The following RXRA variants were observed in gnomAD, a reference collection of about 807,000 sequenced individuals.
The protein encoded by RXRA is retinoid X receptor alpha, also known as retinoic acid receptor RXR-alpha.
Under a neutral mutation model 44.5 loss-of-function variants are expected in RXRA, and 5 were observed. The ratio of observed to expected loss-of-function variants is 0.11; its 90% CI spans 0.06 to 0.24. The LOEUF is 0.24. RXRA is among the 10% of genes least tolerant of loss of function. The probability of loss-of-function intolerance (pLI) is 1.00; values close to 1 mark genes in which losing one functional copy is unlikely to be tolerated. For synonymous variants in RXRA, 291 were observed against 271.4 expected (o/e 1.07, Z -0.71); for missense variants, 412 against 646.5 (o/e 0.64, Z 3.93).
chr9:134,436,673 G>A lies in RXRA; in HGVS notation c.*59G>A. On this transcript the variant is annotated 3_prime_UTR_variant, in exon 10 of 10. Transcript: ENST00000481739. ...TGGCCACCCTGCCTGGACGCCAGCT[G>A]TTCTTCTCAGCCTGAGCCCTGTCCC... The A allele has an allele frequency of 1.3e-6, 2 of 1,599,638 alleles. No homozygotes were observed. The highest frequency in any genetic ancestry group is 1.7e-6 in the Non-Finnish European group (2 of 1,170,986).
chr9:134,421,821 T>G lies in RXRA; in HGVS notation c.910+16T>G. The G allele has an allele frequency of 1.9e-6, 3 of 1,612,232 alleles. No individual in the cohort carries two copies. Among genetic ancestry groups the G allele is most frequent in the Non-Finnish European group, 2.5e-6 (3 of 1,179,434 alleles). ...CTGCGGGCAGGTGAGTGGCGAGGCCTAGGTGGGGATGGGGATGCCATGCAG... is the reference window on the plus strand; with the variant it reads ...CTGCGGGCAGGTGAGTGGCGAGGCCGAGGTGGGGATGGGGATGCCATGCAG... On this transcript the variant is annotated intron_variant, in intron 6 of 9. Coordinates refer to ENST00000481739, the MANE Select transcript of RXRA (RefSeq NM_002957.6).
chr9:134,385,200 G>A (rs1241040632), intron 1 of RXRA, among the ~76,000 whole-genome samples: 3 of 152,192 alleles, frequency 2.0e-5, no homozygotes, highest in Admixed American at 2.0e-4. Flanking sequence ...CCACTAGCAT[G>A]CCAGGGGCTG....
At chr9:134,425,354 G>C (rs934348554) in intron 6 of RXRA, 6 of 985,202 alleles carry the variant, frequency 6.1e-6, no homozygotes, top group African/African-American at 1.7e-5. Flanking sequence ...GTCACACCCT[G>C]ACCCTTGTGT....
At chr9:134,436,390 C>A in intron 9 of RXRA, 77 bp from the exon 10 acceptor site, 1 of 1,466,074 alleles carries the variant, frequency 6.8e-7, no homozygotes, top group Non-Finnish European at 9.4e-7. Context: ...ACAGCCCCAT[C>A]CCCAGGGAGG....
intron 4 of RXRA, among the ~76,000 whole-genome samples, chr9:134,416,112 G>A (rs1831230414): frequency 6.6e-6 from 1 of 152,124 alleles, no homozygotes; most frequent in Non-Finnish European, 1.5e-5. Flanking sequence ...TAAGCCAAGT[G>A]GACTCTTCTA....
rs997344789 is a variant in RXRA at position 134,426,608 on chromosome 9, A to G, written c.911-2500A>G. ...CGGCTCAGCAGCGCCTTCTGACCCC[A>G]GCCGTGCACTAGGCCCCTCTGCTGG... On this transcript the variant is annotated intron_variant, in intron 6 of 9. Coordinates refer to ENST00000481739, the MANE Select transcript of RXRA (RefSeq NM_002957.6). The surrounding 1 kb of genome is among the most constrained non-coding windows in gnomAD (Gnocchi z 4.6). The G allele has an allele frequency of 5.8e-5, 57 of 985,282 alleles. No individual in the cohort carries two copies. In the African/African-American group the frequency reaches 8.7e-4, roughly 15 times the overall value. The allele number at this position is 985,282 out of a possible 1,614,324, so 61.0% of individuals were successfully genotyped here. A position where few individuals can be genotyped will look rare whatever the true frequency, so the allele number is the denominator to read the frequency against.
At position 134,426,473 on chromosome 9, in the gene RXRA, A is replaced by T; in HGVS notation, c.911-2635A>T. 1 of 985,272 alleles carries T rather than the reference A, an allele frequency of 1.0e-6. No homozygotes were observed. Among genetic ancestry groups the T allele is most frequent in the Admixed American group, 6.1e-5 (1 of 16,270 alleles). 61.0% of individuals were successfully genotyped at this position (985,272 alleles called of 1,614,324 possible). On this transcript the variant is annotated intron_variant, in intron 6 of 9. Coordinates refer to ENST00000481739, the MANE Select transcript of RXRA (RefSeq NM_002957.6). The surrounding 1 kb of genome is among the most constrained non-coding windows in gnomAD (Gnocchi z 4.6). ...ACATCGGGGTGGAGGGACAGGGGAC[A>T]GGGGAGCTGAGATGCAGCCGGCGTG...
At chr9:134,346,553 C>T (rs1830154954) in intron 1 of RXRA, among the ~76,000 whole-genome samples, 1 of 152,190 alleles carries the variant, frequency 6.6e-6, no homozygotes, top group African/African-American at 2.4e-5. Flanking sequence ...TCTTCTTGAC[C>T]AGGACCTGGG....
At chr9:134,436,085 A>G (rs954920412) in intron 9 of RXRA, among the ~76,000 whole-genome samples, 2 of 152,190 alleles carry the variant, frequency 1.3e-5, no homozygotes, top group Admixed American at 1.3e-4. Flanking sequence ...GCCTCAAGCC[A>G]TCCTCCCACC....
rs1460503728 is a variant in RXRA, at chr9:134,366,848, C to CG, written c.29-34780dup. 6.6e-6 allele frequency among the ~76,000 whole-genome samples: 1 copy of CG among 152,144 alleles called. No homozygotes were observed. Among genetic ancestry groups the CG allele is most frequent in the East Asian group, 1.9e-4 (1 of 5,186 alleles). On this transcript the variant is annotated intron_variant, in intron 1 of 9. Transcript: ENST00000481739. This position sits in a 1 kb window ranked among gnomAD's most constrained non-coding sequence, Gnocchi z 5.9. Reference sequence around the variant, plus strand: ...TTAGTGTGAGCAAAGACACAGGAGTCGGGGACACATCCCAGTCGGAACGTG... The same window carrying CG: ...TTAGTGTGAGCAAAGACACAGGAGTCGGGGGACACATCCCAGTCGGAACGTG...
At chr9:134,398,002 A>C (rs1232316689) in intron 1 of RXRA, among the ~76,000 whole-genome samples, 1 of 151,518 alleles carries the variant, frequency 6.6e-6, no homozygotes, top group Admixed American at 6.6e-5. Flanking sequence ...TTTTTGAGGC[A>C]GAGTTTCGCT....
chr9:134,387,195 G>A (rs1007208853), intron 1 of RXRA, among the ~76,000 whole-genome samples: 1 of 152,250 alleles, frequency 6.6e-6, no homozygotes, highest in East Asian at 1.9e-4. Context: ...GCCGGCTCCC[G>A]GCCGCTCCGC....
In RXRA at chr9:134,387,635, C is replaced by T. The variant is rs138522791; in HGVS notation, c.29-13997C>T. Among the ~76,000 whole-genome samples, 1,490 of 152,364 alleles carry T rather than the reference C, an allele frequency of 9.8e-3. 8 individuals carry two copies. Among genetic ancestry groups the T allele is most frequent in the Non-Finnish European group, 0.016 (1,122 of 68,040 alleles). On this transcript the variant is annotated intron_variant, in intron 1 of 9. Coordinates refer to ENST00000481739, the MANE Select transcript of RXRA (RefSeq NM_002957.6). ...AATAGAACAGTGCACCTGGGGACCA[C>T]GCAGTCCTTGACCAGGACCACCTGC...
At chr9:134,415,492 G>A (rs1831218737) in intron 4 of RXRA, among the ~76,000 whole-genome samples, 1 of 152,136 alleles carries the variant, frequency 6.6e-6, no homozygotes. Flanking sequence ...ATGGGACATG[G>A]TCAGTCCATG....
chr9:134,346,112 C>T (rs55735339), intron 1 of RXRA, among the ~76,000 whole-genome samples: 4,451 of 152,168 alleles, frequency 0.029, 88 homozygotes, highest in South Asian at 0.067. Flanking sequence ...TGGGGGGCCA[C>T]GCAGGGTCCC....
At chr9:134,399,216 A>T (rs1207612954) in intron 1 of RXRA, among the ~76,000 whole-genome samples, 2 of 152,232 alleles carry the variant, frequency 1.3e-5, no homozygotes, top group Admixed American at 1.3e-4. Context: ...GCCATGTGGC[A>T]TTCCCAGGGT....
intron 1 of RXRA, among the ~76,000 whole-genome samples, chr9:134,399,855 A>G (rs1368235474): frequency 3.9e-5 from 6 of 152,184 alleles, no homozygotes; most frequent in Non-Finnish European, 5.9e-5. Context: ...GTGCTGGCTG[A>G]ATCAGGGCAG....
chr9:134,383,516 A>G (rs1280063198), intron 1 of RXRA, among the ~76,000 whole-genome samples: 1 of 152,112 alleles, frequency 6.6e-6, no homozygotes, highest in Non-Finnish European at 1.5e-5. Context: ...AGACCGCACC[A>G]CTTAGCTGTC....
chr9:134,386,672 T>C (rs1206653678), intron 1 of RXRA, among the ~76,000 whole-genome samples: 2 of 152,164 alleles, frequency 1.3e-5, no homozygotes, highest in Admixed American at 6.5e-5. Flanking sequence ...AACAGCAAAC[T>C]GAGGCTGGCC....
Sources: gnomAD v4.1 joint callset for allele counts (sites outside exome capture counted in the v4.1 genomes callset) on GRCh38, gnomAD v4.1.1 for gene constraint, Gnocchi (gnomAD v3.1) non-coding constraint, MANE v1.5 for transcripts, NCBI Gene and HGNC (gene_info 2026-07-23, HGNC 2026-07-21) for gene names.